Variants in SERGEF observed in about 807,000 individuals in gnomAD.
SERGEF encodes secretion regulating guanine nucleotide exchange factor.
SERGEF carries 51 observed loss-of-function variants against 50.0 expected under a neutral mutation model. That is an observed-to-expected ratio of 1.02 (90% confidence interval 0.81 to 1.29). The LOEUF (loss-of-function observed/expected upper bound fraction) is 1.29, where lower values mean the gene tolerates loss of function less well. Among genes scored for constraint, SERGEF ranks in the 50% most tolerant of loss-of-function variants. The pLI is 0.00. For missense variants in SERGEF, 521 were observed against 557.0 expected, an observed-to-expected ratio of 0.94 and a Z score of 0.65; for synonymous variants, 205 against 212.4, an observed-to-expected ratio of 0.97 and a Z score of 0.30.
rs151086459 is a variant in SERGEF at position 17,995,773 on chromosome 11, G to A, written c.622+23C>T. ...ACTTCCTGACAAAGAACAAATATAG[G>A]ACTAAAGAAAGAAGCATCTTACCTG... On this transcript the variant is annotated intron_variant, in intron 6 of 10. Coordinates refer to ENST00000265965, the MANE Select transcript of SERGEF (RefSeq NM_012139.4). 3.0e-4 allele frequency: 437 copies of A among 1,455,468 alleles called. No homozygotes were observed. The African/African-American group carries it at 5.4e-3, about 18-fold the overall frequency. The allele number at this position is 1,455,468 out of a possible 1,614,324, so 90.2% of individuals were successfully genotyped here.
intron 10 of SERGEF, among the ~76,000 whole-genome samples, chr11:17,875,759 C>T (rs1851227242): frequency 6.6e-6 from 1 of 152,238 alleles, no homozygotes; most frequent in Admixed American, 6.5e-5. Flanking sequence ...TCATCTGTCA[C>T]ACATTCATCA....
chr11:17,788,266 A>T lies in SERGEF; in HGVS notation c.1196T>A (p.Leu399His). The T allele has an allele frequency of 6.2e-7, 1 of 1,613,704 alleles. No individual in the cohort carries two copies. The stretch of plus-strand genomic sequence containing the variant: ...TGCAGGGTGAGCTGGCAGCTGGCAG[A>T]GGGCCAAGGAGTGGCCAGCCCCACA... Reference protein sequence around the residue: ...VGCGAGHSLALCQLPAHPALV... With the variant: ...VGCGAGHSLAHCQLPAHPALV... The change falls in exon 11 of 11, where the codon CTC becomes CAC. Residue 399 changes from leucine to histidine, a missense_variant. Coordinates refer to ENST00000265965, the MANE Select transcript of SERGEF (RefSeq NM_012139.4).
At chr11:17,922,788 A>G (rs1852183020) in intron 9 of SERGEF, among the ~76,000 whole-genome samples, 1 of 152,222 alleles carries the variant, frequency 6.6e-6, no homozygotes, top group South Asian at 2.1e-4. Context: ...AAACTAAATA[A>G]CATACCATGC....
chr11:17,964,655 T>C (rs967165829), intron 8 of SERGEF, among the ~76,000 whole-genome samples: 2 of 152,166 alleles, frequency 1.3e-5, no homozygotes, highest in African/African-American at 4.8e-5. Flanking sequence ...AACTCTAATA[T>C]TCCAGGATGT....
At chr11:17,851,295 G>C (rs778992878) in intron 10 of SERGEF, among the ~76,000 whole-genome samples, 6 of 152,188 alleles carry the variant, frequency 3.9e-5, no homozygotes, top group Non-Finnish European at 7.3e-5. Context: ...AAGTTACAGA[G>C]TTAGGATTCA....
chr11:17,841,441 T>A (rs183924851), intron 10 of SERGEF, among the ~76,000 whole-genome samples: 32 of 152,336 alleles, frequency 2.1e-4, no homozygotes, highest in Middle Eastern at 6.8e-3. Context: ...CATCAAGTCC[T>A]GCTAATTTTA....
intron 10 of SERGEF, among the ~76,000 whole-genome samples, chr11:17,807,325 A>T (rs1250484239): frequency 1.4e-5 from 1 of 69,564 alleles, no homozygotes; most frequent in Admixed American, 1.9e-4. Flanking sequence ...TTCCTCAAAG[A>T]ACTCCCCCCC....
intron 4 of SERGEF, chr11:18,002,153 G>A (rs1853976466): frequency 5.4e-6 from 2 of 370,308 alleles, no homozygotes; most frequent in African/African-American, 4.3e-5. Flanking sequence ...TTTTTCTTTT[G>A]TTTTTCCCCA....
chr11:17,858,354 G>A (rs891398227), intron 10 of SERGEF, among the ~76,000 whole-genome samples: 22 of 152,142 alleles, frequency 1.4e-4, no homozygotes, highest in African/African-American at 5.1e-4. Context: ...AATGGGTTAA[G>A]TGAGTAAGTG....
At chr11:17,807,521 G>A (rs976235415) in intron 10 of SERGEF, among the ~76,000 whole-genome samples, 1 of 152,192 alleles carries the variant, frequency 6.6e-6, no homozygotes, top group African/African-American at 2.4e-5. Context: ...GGGGTAATGC[G>A]GTTTTTAGCT....
In SERGEF at chr11:17,884,886, A is replaced by G. The variant is rs1851400540; in HGVS notation, c.1012-6642T>C. 6.6e-6 allele frequency among the ~76,000 whole-genome samples: 1 copy of G among 152,098 alleles called. No homozygotes were observed. The highest frequency in any genetic ancestry group is 2.4e-5 in the African/African-American group (1 of 41,416). ...GGATGTCAAGCATGTGACATTATAG[A>G]ATTTCACTTTACCTGCAATACCTCC... On this transcript the variant is annotated intron_variant, in intron 9 of 10. Transcript: ENST00000265965. The surrounding 1 kb of genome is among the most constrained non-coding windows in gnomAD (Gnocchi z 4.6).
chr11:17,841,375 A>G (rs1565182306), intron 10 of SERGEF, among the ~76,000 whole-genome samples: 1 of 152,196 alleles, frequency 6.6e-6, no homozygotes, highest in Non-Finnish European at 1.5e-5. Flanking sequence ...ATGCACCCAG[A>G]AACCTGGGGC....
At chr11:17,857,624 C>G (rs1251210513) in intron 10 of SERGEF, among the ~76,000 whole-genome samples, 2 of 152,196 alleles carry the variant, frequency 1.3e-5, no homozygotes, top group Admixed American at 6.5e-5. Context: ...CTCAGAGGTG[C>G]TGCCCGAATA....
intron 10 of SERGEF, among the ~76,000 whole-genome samples, chr11:17,835,915 G>A (rs918159775): frequency 2.6e-5 from 4 of 152,296 alleles, no homozygotes; most frequent in African/African-American, 9.6e-5. Flanking sequence ...TGATAACTGG[G>A]CTTGCTCTGA....
intron 10 of SERGEF, among the ~76,000 whole-genome samples, chr11:17,800,247 C>G (rs1849644551): frequency 6.6e-6 from 1 of 152,016 alleles, no homozygotes; most frequent in Non-Finnish European, 1.5e-5. Flanking sequence ...TACTTCCTGC[C>G]TCTACTTACT....
Position 17,788,402 on chromosome 11 carries a change from A to T in SERGEF, c.1060T>A (p.Tyr354Asn). 1 of 1,605,850 alleles carries T rather than the reference A, an allele frequency of 6.2e-7. No homozygotes were observed. Among genetic ancestry groups the T allele is most frequent in the African/African-American group, 1.3e-5 (1 of 74,912 alleles). The change falls in exon 11 of 11, where the codon TAC (tyrosine) becomes AAC (asparagine). Residue 354 changes from tyrosine to asparagine, a missense_variant. By Grantham distance (143) the Tyr-to-Asn change is moderately radical. Transcript: ENST00000265965. ...HNLAIIGGVCYSWGWNEHGMC... is the reference protein window; with the variant it reads ...HNLAIIGGVCNSWGWNEHGMC... ...CCATGCTCATTCCAGCCCCAAGAGT[A>T]ACACACTCCACCTGTGAAGGAGAGG...
intron 10 of SERGEF, among the ~76,000 whole-genome samples, chr11:17,868,950 A>G (rs1439754032): frequency 1.3e-5 from 2 of 152,152 alleles, no homozygotes; most frequent in African/African-American, 4.8e-5. Flanking sequence ...GGAATTCAAT[A>G]TGAGATTTGG....
At chr11:17,975,338 T>C (rs1565220337) in intron 8 of SERGEF, among the ~76,000 whole-genome samples, 2 of 152,204 alleles carry the variant, frequency 1.3e-5, no homozygotes, top group Admixed American at 6.5e-5. Flanking sequence ...CATGTGCCCT[T>C]GATAAATGTG....
chr11:17,962,376 C>T (rs1443267200), intron 8 of SERGEF, among the ~76,000 whole-genome samples: 5 of 152,184 alleles, frequency 3.3e-5, no homozygotes, highest in Middle Eastern at 3.4e-3. Flanking sequence ...ATAAAAAATG[C>T]TCATTAATAC....
Sources: allele counts gnomAD v4.1 joint callset (sites outside exome capture counted in the v4.1 genomes callset), GRCh38; gene constraint gnomAD v4.1.1; non-coding constraint Gnocchi (gnomAD v3.1); transcripts MANE v1.5; gene names NCBI Gene and HGNC (gene_info 2026-07-23, HGNC 2026-07-21).